Variants in CAPN7 observed in about 807,000 individuals in gnomAD.
CAPN7 encodes the protein calpain-7.
CAPN7 carries 72 observed loss-of-function variants against 115.2 expected under a neutral mutation model. The observed-to-expected ratio is 0.63, with a 90% confidence interval of 0.52 to 0.76. CAPN7 has a LOEUF of 0.76. Ranked by LOEUF, CAPN7 falls within the 30% of genes least tolerant of loss-of-function variation. CAPN7 has a pLI of 0.00. For synonymous variants in CAPN7, 344 were observed against 322.3 expected (o/e 1.07, Z -0.72); for missense variants, 905 against 971.5 (o/e 0.93, Z 0.91).
chr3:15,234,056 C>G, intron 11 of CAPN7, 83 bp downstream of exon 11: 2 of 737,782 alleles, frequency 2.7e-6, no homozygotes, highest in East Asian at 2.8e-5. Context: ...TGGGTCATGC[C>G]TGTAATCCCA....
At chr3:15,227,419 A>C (rs1694385620) in intron 6 of CAPN7, among the ~76,000 whole-genome samples, 1 of 152,216 alleles carries the variant, frequency 6.6e-6, no homozygotes, top group Admixed American at 6.5e-5. Context: ...GTTAGTATTC[A>C]CTAAATTAGC....
chr3:15,228,847 C>A, intron 7 of CAPN7, 127 bp from the exon 8 acceptor site: 1 of 673,084 alleles, frequency 1.5e-6, no homozygotes, highest in Non-Finnish European at 2.5e-6. Flanking sequence ...ACCCCCGAAC[C>A]TAAAATAGAA....
intron 14 of CAPN7, 22 bp from the exon 15 acceptor site, chr3:15,241,431 C>G: frequency 6.2e-7 from 1 of 1,608,108 alleles, no homozygotes; most frequent in Non-Finnish European, 8.5e-7. Context: ...TTACAACCTT[C>G]TTTGTTGACT....
chr3:15,235,918 G>A (rs763437107), intron 12 of CAPN7, among the ~76,000 whole-genome samples: 2 of 152,182 alleles, frequency 1.3e-5, no homozygotes. Context: ...ACTTTGGGAA[G>A]CTGATGCAGA....
chr3:15,239,790 T>G (rs1695232425), intron 12 of CAPN7, among the ~76,000 whole-genome samples: 1 of 152,188 alleles, frequency 6.6e-6, no homozygotes, highest in South Asian at 2.1e-4. Context: ...CCCAAAGAAC[T>G]GGAATTTGGT....
chr3:15,233,762 T>G, intron 10 of CAPN7, 105 bp from the exon 11 acceptor site: 1 of 684,310 alleles, frequency 1.5e-6, no homozygotes, highest in Non-Finnish European at 2.6e-6. Flanking sequence ...TCTGATTTAT[T>G]TCTACCAAAA....
rs565867634 is a variant in CAPN7, at chr3:15,211,325, T to G, written c.103-779T>G. Among the ~76,000 whole-genome samples, 245 of 152,384 alleles carry G rather than the reference T, an allele frequency of 1.6e-3. 2 individuals are homozygous for G. In the Middle Eastern group the frequency reaches 0.017, roughly 11 times the overall value. ...GCAATCAGTTCACATTTTCAAGGTATATAATTTTAAATCTGATCTATTGCA... is the reference window on the plus strand; with the variant it reads ...GCAATCAGTTCACATTTTCAAGGTAGATAATTTTAAATCTGATCTATTGCA... On this transcript the variant is annotated intron_variant, in intron 1 of 20. Transcript: ENST00000253693.
intron 7 of CAPN7, 139 bp downstream of exon 7, chr3:15,228,104 A>G: frequency 2.0e-6 from 1 of 512,622 alleles, no homozygotes; most frequent in African/African-American, 2.0e-5. Flanking sequence ...CATTCTACAC[A>G]TTTTGACTGA....
In CAPN7 at chr3:15,252,760, A is replaced by G. The variant is rs996779177; in HGVS notation, c.*1500A>G. 3 of 151,098 alleles carry G rather than the reference A, an allele frequency of 2.0e-5. No individual in the cohort carries two copies. Among genetic ancestry groups the G allele is most frequent in the South Asian group, 2.1e-4 (1 of 4,834 alleles). 9.4% of individuals were successfully genotyped at this position (151,098 alleles called of 1,614,324 possible). ...GGAAAGATTAATTTTGGCTGGACCA[A>G]TATAAAAAATTGTATTTGAAGAATT... On this transcript the variant is annotated 3_prime_UTR_variant, in exon 21 of 21. Coordinates refer to ENST00000253693, the MANE Select transcript of CAPN7 (RefSeq NM_014296.3).
intron 7 of CAPN7, 21 bp from the exon 8 acceptor site, chr3:15,228,953 G>A (rs751894660): frequency 6.5e-7 from 1 of 1,547,966 alleles, no homozygotes; most frequent in Non-Finnish European, 8.9e-7. Flanking sequence ...ATATGAATAT[G>A]TTAATTATTC....
At chr3:15,232,374 T>C in intron 9 of CAPN7, 145 bp from the exon 10 acceptor site, 1 of 583,094 alleles carries the variant, frequency 1.7e-6, no homozygotes, top group Non-Finnish European at 2.9e-6. Flanking sequence ...TTGTAATTGG[T>C]ATGATTCTAG....
intron 12 of CAPN7, among the ~76,000 whole-genome samples, chr3:15,238,617 A>G (rs1268521048): frequency 6.6e-6 from 1 of 151,954 alleles, no homozygotes; most frequent in Non-Finnish European, 1.5e-5. Context: ...ACTACCTCTA[A>G]TCTGCTTGCA....
At chr3:15,212,575 C>G (rs955672752) in intron 2 of CAPN7, among the ~76,000 whole-genome samples, 2 of 152,180 alleles carry the variant, frequency 1.3e-5, no homozygotes, top group Non-Finnish European at 2.9e-5. Context: ...TGTTCCTCTT[C>G]AGTGTTTACA....
In CAPN7 at chr3:15,251,371, T is replaced by TA; in HGVS notation, c.*116dup. 1.1e-6 allele frequency: 1 copy of TA among 931,030 alleles called. No individual in the cohort carries two copies. Among genetic ancestry groups the TA allele is most frequent in the Non-Finnish European group, 1.6e-6 (1 of 620,290 alleles). 57.7% of individuals were successfully genotyped at this position (931,030 alleles called of 1,614,324 possible). ...AACAATCAGAATGGAATTAAATCTC[T>TA]AAAAACGTGTTACAGTGGAATCTGG... On this transcript the variant is annotated 3_prime_UTR_variant, in exon 21 of 21. Coordinates refer to ENST00000253693, the MANE Select transcript of CAPN7 (RefSeq NM_014296.3).
At chr3:15,219,267 A>G (rs989047932) in intron 4 of CAPN7, among the ~76,000 whole-genome samples, 1 of 152,224 alleles carries the variant, frequency 6.6e-6, no homozygotes, top group Non-Finnish European at 1.5e-5. Context: ...TAAGCGAATT[A>G]TATATCTTGA....
chr3:15,249,995 C>G (rs1237031453), intron 19 of CAPN7, among the ~76,000 whole-genome samples: 1 of 151,492 alleles, frequency 6.6e-6, no homozygotes. Flanking sequence ...GATCTCTTGA[C>G]CTTGTGATCC....
intron 12 of CAPN7, among the ~76,000 whole-genome samples, chr3:15,239,929 A>G (rs577605851): frequency 1.3e-5 from 2 of 152,348 alleles, no homozygotes; most frequent in African/African-American, 4.8e-5. Flanking sequence ...AGCATGATCA[A>G]TTGCCTTTAG....
Position 15,242,237 on chromosome 3 carries a change from A to G in CAPN7, c.1848A>G (p.Lys616=), listed in dbSNP as rs771913677. The change falls in exon 16 of 21, where the codon AAA becomes AAG. Residue 616 remains lysine, a synonymous_variant. Transcript: ENST00000253693. Reference sequence around the variant, plus strand: ...TGGTTGTATACAAGACTGATGGGAAAAAAGTTTATTACCCAGGTATGTTTA... The same window carrying G: ...TGGTTGTATACAAGACTGATGGGAAGAAAGTTTATTACCCAGGTATGTTTA... ...ITMVVYKTDG[K]KVYYPADPPP... is the part of the protein sequence containing the mutation. The G allele has an allele frequency of 1.0e-5, 16 of 1,596,714 alleles. No individual in the cohort carries two copies. Among genetic ancestry groups the G allele is most frequent in the African/African-American group, 2.7e-5 (2 of 74,294 alleles).
intron 2 of CAPN7, among the ~76,000 whole-genome samples, chr3:15,213,966 C>T (rs1036481875): frequency 4.6e-5 from 7 of 151,610 alleles, no homozygotes; most frequent in African/African-American, 1.2e-4. Flanking sequence ...TGCCAAGTTC[C>T]GCCTCCGGGG....
Sources: gnomAD v4.1 joint callset for allele counts (sites outside exome capture counted in the v4.1 genomes callset) on GRCh38, gnomAD v4.1.1 for gene constraint, MANE v1.5 for transcripts, NCBI Gene and HGNC (gene_info 2026-07-23, HGNC 2026-07-21) for gene names.